The following NEK5 variants were observed in gnomAD, a reference collection of about 807,000 sequenced individuals.
The protein encoded by NEK5 is serine/threonine-protein kinase Nek5.
A neutral mutation model predicts 109.2 loss-of-function variants in NEK5; 88 were observed. The observed-to-expected ratio is 0.81, with a 90% CI of 0.68 to 0.96. NEK5 has a LOEUF of 0.96. NEK5 is among the 40% of genes least tolerant of loss of function. NEK5 has a pLI of 0.00. For missense variants in NEK5, 834 were observed against 920.7 expected (o/e 0.91, Z 1.22); for synonymous variants, 283 against 299.9 (o/e 0.94, Z 0.58).
intron 22 of NEK5, among the ~76,000 whole-genome samples, chr13:52,056,352 A>G (rs1954555031): frequency 6.6e-6 from 1 of 152,088 alleles, no homozygotes; most frequent in African/African-American, 2.4e-5. Flanking sequence ...ATAATGGGAG[A>G]CTTTAACACC....
intron 3 of NEK5, among the ~76,000 whole-genome samples, chr13:52,121,506 G>A (rs1397382046): frequency 1.3e-5 from 2 of 152,134 alleles, no homozygotes; most frequent in Non-Finnish European, 2.9e-5. Context: ...TAATAAAAGG[G>A]TACAGAAGAG....
chr13:52,061,475 G>T (rs1176259051), intron 22 of NEK5, among the ~76,000 whole-genome samples: 1 of 152,216 alleles, frequency 6.6e-6, no homozygotes, highest in African/African-American at 2.4e-5. Context: ...TTGTCCATGG[G>T]ATAGTAATTT....
At chr13:52,064,226 GGGGGGGTCAGCCCCCCGCCCA>G in intron 21 of NEK5, among the ~76,000 whole-genome samples, 1 of 144,038 alleles carries the variant, frequency 6.9e-6, no homozygotes, top group African/African-American at 2.5e-5. Context: ...GGAGGGAGGT[GGGGGGGTCAGCCCCCCGCCCA>G]GCCAGCCGCC....
intron 16 of NEK5, among the ~76,000 whole-genome samples, chr13:52,084,762 A>AGAGAGAGTGT (rs1228944662): frequency 9.7e-4 from 46 of 47,428 alleles, no homozygotes; most frequent in African/African-American, 2.8e-3. Flanking sequence ...AGAGAGAGAG[A>AGAGAGAGTGT]GTGTGTGTGT....
intron 4 of NEK5, 62 bp from the exon 5 acceptor site, chr13:52,112,427 G>A (rs1388878492): frequency 9.0e-7 from 1 of 1,107,388 alleles, no homozygotes; most frequent in East Asian, 2.4e-5. Context: ...CCATGTTCTG[G>A]CTGTGGAATC....
chr13:52,101,194 C>G (rs1177335502), intron 11 of NEK5, among the ~76,000 whole-genome samples: 1 of 152,014 alleles, frequency 6.6e-6, no homozygotes, highest in Non-Finnish European at 1.5e-5. Flanking sequence ...GTCCGGAGAT[C>G]GAGACCATCC....
Position 52,079,463 on chromosome 13 carries a change from C to T in NEK5, c.1573-3320G>A, listed in dbSNP as rs1954932273. Among the ~76,000 whole-genome samples the T allele has an allele frequency of 2.6e-5, 4 of 152,244 alleles. No homozygotes were observed. The South Asian group carries it at 8.3e-4, about 31-fold the overall frequency. ...TGCAGGGGCGCACCGCCACGCCTGA[C>T]TGGTTTTCGTATTTTTTTGGTGGAG... On this transcript the variant is annotated intron_variant, in intron 17 of 23. Coordinates refer to ENST00000684899, the MANE Select transcript of NEK5 (RefSeq NM_001365552.1).
intron 16 of NEK5, among the ~76,000 whole-genome samples, chr13:52,084,417 T>C (rs1207703174): frequency 2.0e-5 from 3 of 152,010 alleles, no homozygotes; most frequent in Admixed American, 2.0e-4. Context: ...TGGAGTCTCA[T>C]TATGTTGCCC....
chr13:52,080,017 C>T (rs1197049690), intron 17 of NEK5, among the ~76,000 whole-genome samples: 4 of 150,742 alleles, frequency 2.7e-5, no homozygotes, highest in South Asian at 4.2e-4. Context: ...GGAGACCCTC[C>T]GCCTGGCAAC....
At chr13:52,079,525 C>A (rs1954934378) in intron 17 of NEK5, among the ~76,000 whole-genome samples, 1 of 152,286 alleles carries the variant, frequency 6.6e-6, no homozygotes, top group African/African-American at 2.4e-5. Flanking sequence ...TGGTCTCCAG[C>A]TCCTAACAGC....
intron 12 of NEK5, among the ~76,000 whole-genome samples, chr13:52,099,388 G>A (rs1002437884): frequency 2.8e-4 from 42 of 151,936 alleles, no homozygotes; most frequent in Admixed American, 2.6e-4. Context: ...AAAATTAGCC[G>A]GGGCCGGGCG....
intron 23 of NEK5, among the ~76,000 whole-genome samples, chr13:52,046,070 CA>C (rs1216006961): frequency 0.03 from 1,694 of 57,376 alleles, 22 homozygotes; most frequent in African/African-American, 0.09. Flanking sequence ...GACTCCATCT[CA>C]AAAAAAAAAA....
At position 52,065,593 on chromosome 13, in the gene NEK5, A is replaced by C. The variant is rs1440224169; in HGVS notation, c.1866T>G (p.Thr622=). ...HCPEAGFSTQ[T]VAAVGNRRQW... Reference sequence around the variant, plus strand: ...GCCTCCTGTTTCCCACAGCAGCTACAGTCTGCGTGGAAAACCCTGGGTGTA... The same window carrying C: ...GCCTCCTGTTTCCCACAGCAGCTACCGTCTGCGTGGAAAACCCTGGGTGTA... Residue 622 remains threonine (T), a synonymous_variant, in exon 21 of 24, where the codon ACT becomes ACG. Transcript: ENST00000684899. 3 of 1,613,602 alleles carry C rather than the reference A, an allele frequency of 1.9e-6. No homozygotes were observed. Among genetic ancestry groups the C allele is most frequent in the Non-Finnish European group, 2.5e-6 (3 of 1,179,528 alleles).
intron 12 of NEK5, among the ~76,000 whole-genome samples, chr13:52,095,880 G>C (rs1176737363): frequency 6.6e-6 from 1 of 152,210 alleles, no homozygotes; most frequent in African/African-American, 2.4e-5. Context: ...TTGGATTTGT[G>C]TCTCTGCCCA....
At chr13:52,088,265 T>G (rs1016789296) in intron 14 of NEK5, among the ~76,000 whole-genome samples, 11 of 149,058 alleles carry the variant, frequency 7.4e-5, no homozygotes, top group African/African-American at 2.5e-4. Flanking sequence ...GTTTTTTTTG[T>G]TTTTTTTGAG....
intron 13 of NEK5, among the ~76,000 whole-genome samples, chr13:52,091,868 A>G (rs1955290598): frequency 6.6e-6 from 1 of 152,220 alleles, no homozygotes; most frequent in Admixed American, 6.5e-5. Context: ...TCTTTCTAAC[A>G]TGTCCATATT....
chr13:52,104,108 T>C (rs1302071067), intron 9 of NEK5, among the ~76,000 whole-genome samples: 1 of 151,946 alleles, frequency 6.6e-6, no homozygotes, highest in Non-Finnish European at 1.5e-5. Context: ...TGCAGGCACA[T>C]GCCACCATGC....
intron 22 of NEK5, among the ~76,000 whole-genome samples, chr13:52,055,602 C>T (rs563517944): frequency 1.2e-4 from 19 of 152,238 alleles, no homozygotes; most frequent in African/African-American, 3.6e-4. Context: ...GTGGATCTCT[C>T]GGCAGAAACT....
rs1200897240 is a variant in NEK5, at chr13:52,110,358, A to G, written c.449T>C (p.Ile150Thr). Reference sequence around the variant, plus strand: ...TACTTACTTATTCAGGACTCTTGCTATACCAAAGTCCCCAAGCTTTGCCAC... The same window carrying G: ...TACTTACTTATTCAGGACTCTTGCTGTACCAAAGTCCCCAAGCTTTGCCAC... ...GMVAKLGDFG[I>T]ARVLNNSMEL... is the part of the protein sequence containing the mutation. The change falls in exon 7 of 24, where the codon ATA becomes ACA. Residue 150 changes from isoleucine (I) to threonine (T), a missense_variant. By Grantham distance (89) the Ile-to-Thr change is moderately conservative. Coordinates refer to ENST00000684899, the MANE Select transcript of NEK5 (RefSeq NM_001365552.1). The G allele has an allele frequency of 3.1e-6, 5 of 1,611,740 alleles. No individual in the cohort carries two copies. The highest frequency in any genetic ancestry group is 1.7e-4 in the Middle Eastern group (1 of 6,056).
Sources: gnomAD v4.1 joint callset for allele counts (sites outside exome capture counted in the v4.1 genomes callset) on GRCh38, gnomAD v4.1.1 for gene constraint, MANE v1.5 for transcripts, NCBI Gene and HGNC (gene_info 2026-07-23, HGNC 2026-07-21) for gene names.